The following TOM1 variants were observed in gnomAD, a reference collection of about 807,000 sequenced individuals.
The protein encoded by TOM1 is target of Myb protein 1.
In TOM1, 38 loss-of-function variants were observed where a neutral mutation model predicts 61.3. The observed-to-expected ratio is 0.62, with a 90% CI of 0.48 to 0.81. The LOEUF is 0.81. TOM1 is among the 40% of genes least tolerant of loss of function. The pLI, the probability that TOM1 is intolerant of heterozygous loss-of-function variation, is 0.00. For missense variants in TOM1, 591 were observed against 659.6 expected (o/e 0.90, Z 1.14); for synonymous variants, 270 against 268.8 (o/e 1.00, Z -0.04).
chr22:35,316,326 T>G (rs888469874), intron 1 of TOM1, among the ~76,000 whole-genome samples: 2 of 152,232 alleles, frequency 1.3e-5, no homozygotes, highest in Non-Finnish European at 2.9e-5. Flanking sequence ...TAATGGAACG[T>G]TACCTGCAAG....
chr22:35,314,671 G>T (rs1274401440), intron 1 of TOM1, among the ~76,000 whole-genome samples: 5 of 152,176 alleles, frequency 3.3e-5, no homozygotes, highest in Admixed American at 2.0e-4. Flanking sequence ...GGACCACTGA[G>T]AGGCCTGCCG....
Position 35,308,228 on chromosome 22 carries a change from GTGTC to G in TOM1, c.52+8254_52+8257del, listed in dbSNP as rs1001060587. 1.8e-3 allele frequency among the ~76,000 whole-genome samples: 271 copies of G among 150,612 alleles called. 1 individual carries two copies. Among genetic ancestry groups the G allele is most frequent in the African/African-American group, 5.6e-3 (228 of 40,970 alleles). ...CGCTCTTTCTCCTGTGTGTGTGTGT[GTGTC>G]TGTCTCTCTCTCTCTCTCTTTCTTT... is the stretch of plus-strand genomic sequence containing the variant. On this transcript the variant is annotated intron_variant, in intron 1 of 14. Coordinates refer to ENST00000449058, the MANE Select transcript of TOM1 (RefSeq NM_005488.3).
intron 7 of TOM1, among the ~76,000 whole-genome samples, 155 bp from the exon 8 acceptor site, chr22:35,330,192 G>T (rs1928705087): frequency 6.6e-6 from 1 of 152,096 alleles, no homozygotes; most frequent in African/African-American, 2.4e-5. Flanking sequence ...GCTGAGGCAG[G>T]AGAATGGCAT....
chr22:35,306,828 C>G (rs1219800041), intron 1 of TOM1, among the ~76,000 whole-genome samples: 1 of 152,180 alleles, frequency 6.6e-6, no homozygotes, highest in Non-Finnish European at 1.5e-5. Flanking sequence ...GTCTTTGTGT[C>G]CCTGGCAAAT....
At chr22:35,309,613 C>T (rs1316813483) in intron 1 of TOM1, among the ~76,000 whole-genome samples, 2 of 142,362 alleles carry the variant, frequency 1.4e-5, no homozygotes, top group African/African-American at 5.2e-5. Flanking sequence ...CACAGCACTC[C>T]AGCCTGGGCA....
chr22:35,347,269 A>C lies in TOM1; in HGVS notation c.*60A>C. 2 of 1,491,364 alleles carry C rather than the reference A, an allele frequency of 1.3e-6. No homozygotes were observed. Among genetic ancestry groups the C allele is most frequent in the Admixed American group, 2.3e-5 (1 of 44,354 alleles). 92.4% of individuals were successfully genotyped at this position (1,491,364 alleles called of 1,614,324 possible). On this transcript the variant is annotated 3_prime_UTR_variant, in exon 15 of 15. Transcript: ENST00000449058. ...ACTGCTCTCACACCCTTAGGCTGGGACCTCCCTCCCTCCTCTGGTGTTAAG... is the reference window on the plus strand; with the variant it reads ...ACTGCTCTCACACCCTTAGGCTGGGCCCTCCCTCCCTCCTCTGGTGTTAAG...
At chr22:35,339,330 CA>C (rs542160301) in intron 12 of TOM1, among the ~76,000 whole-genome samples, 6 of 146,670 alleles carry the variant, frequency 4.1e-5, no homozygotes, top group African/African-American at 5.0e-5. Flanking sequence ...GACTCCATCT[CA>C]AAAAAAAAAG....
In TOM1 at chr22:35,346,921, C is replaced by A. The variant is rs757033778; in HGVS notation, c.1285-9C>A. 1.2e-6 allele frequency: 2 copies of A among 1,612,706 alleles called. No individual in the cohort carries two copies. Among genetic ancestry groups the A allele is most frequent in the South Asian group, 2.2e-5 (2 of 91,024 alleles). On this transcript the variant is annotated splice_polypyrimidine_tract_variant and intron_variant, in intron 13 of 14. Coordinates refer to ENST00000449058, the MANE Select transcript of TOM1 (RefSeq NM_005488.3). Reference sequence around the variant, plus strand: ...CTAACCTCTGCCTCCTTTCCTTCTACCTTCCCAGGGTAATGATGCGGAAGA... The same window carrying A: ...CTAACCTCTGCCTCCTTTCCTTCTAACTTCCCAGGGTAATGATGCGGAAGA...
chr22:35,340,479 G>C (rs1929783104), intron 12 of TOM1, among the ~76,000 whole-genome samples: 1 of 151,444 alleles, frequency 6.6e-6, no homozygotes, highest in African/African-American at 2.4e-5. Context: ...GGGCACAGTG[G>C]CTCACACCTG....
intron 1 of TOM1, among the ~76,000 whole-genome samples, chr22:35,312,173 G>A (rs1447376922): frequency 6.6e-6 from 1 of 151,502 alleles, no homozygotes; most frequent in African/African-American, 2.4e-5. Context: ...AAACCCAGGA[G>A]ACGGAAGTTG....
At chr22:35,307,607 C>T (rs1274672784) in intron 1 of TOM1, among the ~76,000 whole-genome samples, 1 of 152,194 alleles carries the variant, frequency 6.6e-6, no homozygotes, top group Non-Finnish European at 1.5e-5. Context: ...CTGCAAAGTG[C>T]GGTGGAGAAC....
chr22:35,345,859 A>C, intron 13 of TOM1, 75 bp downstream of exon 13: 1 of 1,511,836 alleles, frequency 6.6e-7, no homozygotes, highest in South Asian at 1.1e-5. Flanking sequence ...CCATGGGGCC[A>C]GGGTAGACTT....
At chr22:35,328,569 C>T (rs1928540962) in intron 7 of TOM1, among the ~76,000 whole-genome samples, 1 of 152,204 alleles carries the variant, frequency 6.6e-6, no homozygotes, top group African/African-American at 2.4e-5. Context: ...TGCTCTTCTG[C>T]TCTTGAGAGG....
chr22:35,343,753 C>A (rs1930227130), intron 12 of TOM1, among the ~76,000 whole-genome samples: 1 of 144,572 alleles, frequency 6.9e-6, no homozygotes, highest in Non-Finnish European at 1.5e-5. Context: ...ACACACACAC[C>A]CCTACACCTA....
At chr22:35,342,978 ACT>A (rs199968893) in intron 12 of TOM1, among the ~76,000 whole-genome samples, 20,276 of 108,094 alleles carry the variant, frequency 0.19, 2,048 homozygotes, top group East Asian at 0.43. Flanking sequence ...ACACCTACAC[ACT>A]CATACACCTA....
chr22:35,323,423 C>A lies in TOM1; in HGVS notation c.367-73C>A. ...AAAGCAGGGAAAGAATGTCTGTTCT[C>A]TGTCTGAGTGCCAGGTGGGCAGGCT... On this transcript the variant is annotated intron_variant, in intron 4 of 14. Coordinates refer to ENST00000449058, the MANE Select transcript of TOM1 (RefSeq NM_005488.3). The surrounding 1 kb of genome is among the most constrained non-coding windows in gnomAD (Gnocchi z 4.2). 6.5e-7 allele frequency: 1 copy of A among 1,536,252 alleles called. No homozygotes were observed. Among genetic ancestry groups the A allele is most frequent in the Non-Finnish European group, 8.8e-7 (1 of 1,131,096 alleles).
chr22:35,303,584 G>GC (rs1926046037), intron 1 of TOM1, among the ~76,000 whole-genome samples: 1 of 145,644 alleles, frequency 6.9e-6, no homozygotes, highest in African/African-American at 2.6e-5. Context: ...TGCAACCTCT[G>GC]CCCCCCAGGT....
In TOM1 at chr22:35,332,898, C is replaced by T. The variant is rs1928960295; in HGVS notation, c.900-83C>T. On this transcript the variant is annotated intron_variant, in intron 8 of 14. Transcript: ENST00000449058. The stretch of plus-strand genomic sequence containing the variant: ...AACCCACCGTGTTGATGTTGAGACC[C>T]ACAGTTTGAAAAGCTCTGCCTGGCC... 7 of 1,410,852 alleles carry T rather than the reference C, an allele frequency of 5.0e-6. No individual in the cohort carries two copies. In the East Asian group the frequency reaches 1.6e-4, roughly 32 times the overall value. 87.4% of individuals were successfully genotyped at this position (1,410,852 alleles called of 1,614,324 possible). A position where few individuals can be genotyped will look rare whatever the true frequency, so the allele number is the denominator to read the frequency against.
intron 6 of TOM1, among the ~76,000 whole-genome samples, chr22:35,324,569 G>C (rs1179677257): frequency 6.6e-6 from 1 of 152,072 alleles, no homozygotes; most frequent in East Asian, 1.9e-4. Context: ...TGTTTGTTCT[G>C]AAACAGTCTT....
Sources: allele counts gnomAD v4.1 joint callset (sites outside exome capture counted in the v4.1 genomes callset), GRCh38; gene constraint gnomAD v4.1.1; non-coding constraint Gnocchi (gnomAD v3.1); transcripts MANE v1.5; gene names NCBI Gene and HGNC (gene_info 2026-07-23, HGNC 2026-07-21).